MERTK: variants seen among roughly 807,000 people sequenced by gnomAD.
The protein encoded by MERTK is MER proto-oncogene, tyrosine kinase, also known as tyrosine-protein kinase Mer.
A neutral mutation model predicts 99.3 loss-of-function variants in MERTK; 69 were observed. That is an observed-to-expected ratio of 0.70 (90% confidence interval 0.57 to 0.85). The LOEUF (loss-of-function observed/expected upper bound fraction) is 0.85. Among genes scored for constraint, MERTK ranks in the 40% least tolerant of loss-of-function variants. The pLI, the probability that MERTK is intolerant of heterozygous loss-of-function variation, is 0.00. For missense variants in MERTK, 1,125 were observed against 1,249.4 expected (o/e 0.90, Z 1.50); for synonymous variants, 426 against 467.6 (o/e 0.91, Z 1.15).
intron 2 of MERTK, among the ~76,000 whole-genome samples, chr2:111,931,372 A>G (rs987268866): frequency 6.6e-6 from 1 of 152,220 alleles, no homozygotes; most frequent in African/African-American, 2.4e-5. Flanking sequence ...CATCAACTAT[A>G]AAAAGCAGAT....
intron 4 of MERTK, 136 bp from the exon 5 acceptor site, chr2:111,965,055 C>G: frequency 2.4e-6 from 2 of 820,230 alleles, no homozygotes; most frequent in Non-Finnish European, 3.9e-6. Context: ...AGCTAGCACA[C>G]CTTTTAAATT....
intron 1 of MERTK, among the ~76,000 whole-genome samples, chr2:111,904,788 G>GT (rs2104659340): frequency 6.6e-6 from 1 of 152,312 alleles, no homozygotes; most frequent in East Asian, 1.9e-4. Flanking sequence ...GTGTACAGGC[G>GT]TGAGTATGTG....
intron 13 of MERTK, among the ~76,000 whole-genome samples, chr2:112,007,418 T>C (rs1488100678): frequency 6.6e-6 from 1 of 152,182 alleles, no homozygotes; most frequent in Non-Finnish European, 1.5e-5. Flanking sequence ...CCTCCCAAAG[T>C]GCTGGGATTA....
intron 3 of MERTK, among the ~76,000 whole-genome samples, chr2:111,946,888 T>C (rs1472757732): frequency 6.6e-6 from 1 of 152,212 alleles, no homozygotes; most frequent in Non-Finnish European, 1.5e-5. Context: ...TAAAGTAGAC[T>C]GGCAGGAATT....
At chr2:112,014,185 C>A (rs1037124107) in intron 15 of MERTK, among the ~76,000 whole-genome samples, 1 of 152,074 alleles carries the variant, frequency 6.6e-6, no homozygotes, top group Admixed American at 6.5e-5. Flanking sequence ...CCACACCCAG[C>A]TAATTTTTTG....
intron 6 of MERTK, 104 bp from the exon 7 acceptor site, chr2:111,975,185 T>G (rs1479771393): frequency 7.3e-6 from 8 of 1,096,616 alleles, no homozygotes; most frequent in Non-Finnish European, 1.1e-5. Flanking sequence ...GTCCTTCCCC[T>G]TAGCGTAGAG....
At chr2:111,910,610 G>GTGTGTATA (rs370882764) in intron 1 of MERTK, among the ~76,000 whole-genome samples, 11,710 of 143,376 alleles carry the variant, frequency 0.082, 538 homozygotes, top group Non-Finnish European at 0.11. Context: ...GTGTGTGTGT[G>GTGTGTATA]TATATATATA....
intron 18 of MERTK, among the ~76,000 whole-genome samples, chr2:112,023,735 C>A (rs1677405030): frequency 6.6e-6 from 1 of 152,174 alleles, no homozygotes; most frequent in Non-Finnish European, 1.5e-5. Flanking sequence ...AATGGGGAGT[C>A]TCCTCCCTGT....
chr2:111,926,820 T>A (rs11686647), intron 1 of MERTK, among the ~76,000 whole-genome samples: 31,837 of 152,202 alleles, frequency 0.21, 4,008 homozygotes, highest in Middle Eastern at 0.36. Context: ...AGAACATGCA[T>A]TGCTGCAGAA....
At chr2:111,994,720 A>G in intron 9 of MERTK, 1 of 396,496 alleles carries the variant, frequency 2.5e-6, no homozygotes, top group East Asian at 6.2e-5. Flanking sequence ...CAGAGATTGC[A>G]GTGAGTTATG....
intron 8 of MERTK, among the ~76,000 whole-genome samples, chr2:111,988,374 A>C (rs1306192555): frequency 1.3e-5 from 2 of 152,192 alleles, no homozygotes; most frequent in African/African-American, 4.8e-5. Flanking sequence ...TTTTGCCTGG[A>C]GGAGAAACTT....
chr2:111,901,831 A>G (rs970038677), intron 1 of MERTK, among the ~76,000 whole-genome samples: 10 of 152,142 alleles, frequency 6.6e-5, no homozygotes, highest in Admixed American at 5.9e-4. Context: ...TGGGGATTAT[A>G]GGCATGAGCC....
chr2:111,991,047 C>T (rs1051491512), intron 8 of MERTK, among the ~76,000 whole-genome samples: 1 of 152,150 alleles, frequency 6.6e-6, no homozygotes, highest in Non-Finnish European at 1.5e-5. Flanking sequence ...GAGCTGTCTA[C>T]CGTGAAGCAG....
At chr2:112,026,452 A>G (rs1677462540) in intron 18 of MERTK, among the ~76,000 whole-genome samples, 1 of 152,254 alleles carries the variant, frequency 6.6e-6, no homozygotes, top group Non-Finnish European at 1.5e-5. Flanking sequence ...AGCTCATCTT[A>G]GATGGCAAAC....
chr2:111,905,433 CT>C (rs61232340), intron 1 of MERTK, among the ~76,000 whole-genome samples: 194 of 85,256 alleles, frequency 2.3e-3, no homozygotes, highest in African/African-American at 9.2e-3. Flanking sequence ...CTACACTGTT[CT>C]TTTTTTTTTT....
intron 15 of MERTK, chr2:112,013,397 C>T (rs1677148817): frequency 1.3e-5 from 2 of 154,338 alleles, no homozygotes; most frequent in Non-Finnish European, 2.9e-5. Flanking sequence ...CCACAATTCC[C>T]AACACCTTAG....
chr2:111,974,937 T>C (rs1314573160), intron 6 of MERTK, among the ~76,000 whole-genome samples: 1 of 152,146 alleles, frequency 6.6e-6, no homozygotes, highest in Admixed American at 6.5e-5. Flanking sequence ...TGTTGCATAC[T>C]CCATGAAGCA....
chr2:111,927,551 A>G (rs2104684608), intron 1 of MERTK, among the ~76,000 whole-genome samples: 1 of 152,302 alleles, frequency 6.6e-6, no homozygotes. Context: ...ACGAGCCTAT[A>G]GTACAACCTA....
At chr2:112,012,471 C>G (rs1677126563) in intron 15 of MERTK, among the ~76,000 whole-genome samples, 1 of 152,086 alleles carries the variant, frequency 6.6e-6, no homozygotes, top group Admixed American at 6.6e-5. Flanking sequence ...CTTTCAGTTC[C>G]CCGGTGGAGG....
Sources: allele counts gnomAD v4.1 joint callset (sites outside exome capture counted in the v4.1 genomes callset), GRCh38; gene constraint gnomAD v4.1.1; transcripts MANE v1.5; gene names NCBI Gene and HGNC (gene_info 2026-07-23, HGNC 2026-07-21).